The following ZMPSTE24 variants were observed in gnomAD, a reference collection of about 807,000 sequenced individuals.
The protein encoded by ZMPSTE24 is zinc metallopeptidase STE24.
A neutral mutation model predicts 56.7 loss-of-function variants in ZMPSTE24; 48 were observed. The ratio of observed to expected loss-of-function variants is 0.85; its 90% confidence interval spans 0.67 to 1.08. The LOEUF (loss-of-function observed/expected upper bound fraction) is 1.08. Ranked by LOEUF, ZMPSTE24 falls within the 50% of genes least tolerant of loss-of-function variation. The pLI is 0.00. For synonymous variants in ZMPSTE24, 172 were observed against 195.2 expected (o/e 0.88, Z 0.99); for missense variants, 503 against 548.7 (o/e 0.92, Z 0.83).
chr1:40,286,028 A>T lies in ZMPSTE24; in HGVS notation c.1058A>T (p.Gln353Leu), dbSNP rs1351108576. The T allele has an allele frequency of 1.2e-6, 2 of 1,612,294 alleles. No homozygotes were observed. The highest frequency in any genetic ancestry group is 1.7e-6 in the Non-Finnish European group (2 of 1,178,418). Residue 353 changes from glutamine (Q) to leucine (L), a missense_variant and splice_region_variant, in exon 8 of 10, where the codon CAG (glutamine) becomes CTG (leucine). By Grantham distance (113) the Gln-to-Leu change is moderately radical. Coordinates refer to ENST00000372759, the MANE Select transcript of ZMPSTE24 (RefSeq NM_005857.5). ...ACAGTCAAAAATATCATTATTAGCCAGGTAAGTGTGGAGTGACAATTCTTT... is the reference window on the plus strand; with the variant it reads ...ACAGTCAAAAATATCATTATTAGCCTGGTAAGTGTGGAGTGACAATTCTTT... Reference protein sequence around the residue: ...GHTVKNIIISQMNSFLCFFLF... With the variant: ...GHTVKNIIISLMNSFLCFFLF...
In ZMPSTE24 at chr1:40,258,346, C is replaced by T. The variant is rs1643459587; in HGVS notation, c.75C>T (p.Leu25=). The part of the protein sequence containing the change: ...AEKRIFGAVL[L]FSWTVYLWET... ...AGCGTATCTTCGGGGCCGTGCTGCT[C>T]TTTTCCTGGACAGTGTATCTTTGGG... is the stretch of plus-strand genomic sequence containing the variant. Residue 25 remains leucine (L), a synonymous_variant, in exon 1 of 10, where the codon CTC becomes CTT. Transcript: ENST00000372759. The T allele has an allele frequency of 1.2e-6, 2 of 1,614,194 alleles. No homozygotes were observed. Among genetic ancestry groups the T allele is most frequent in the Non-Finnish European group, 8.5e-7 (1 of 1,180,032 alleles).
At chr1:40,264,698 A>G (rs183703466) in intron 2 of ZMPSTE24, among the ~76,000 whole-genome samples, 43 of 151,996 alleles carry the variant, frequency 2.8e-4, no homozygotes, top group African/African-American at 8.9e-4. Context: ...AAACATAGTG[A>G]TACCCCATCT....
At chr1:40,258,495 A>G (rs1643461558) in intron 1 of ZMPSTE24, 101 bp downstream of exon 1, 2 of 1,591,394 alleles carry the variant, frequency 1.3e-6, no homozygotes, top group Non-Finnish European at 8.5e-7. Flanking sequence ...TCCCCGCGCC[A>G]GTCTCGTCTT....
intron 8 of ZMPSTE24, among the ~76,000 whole-genome samples, chr1:40,289,344 T>A (rs891208884): frequency 6.6e-6 from 1 of 152,210 alleles, no homozygotes; most frequent in Admixed American, 6.5e-5. Context: ...GATCACAGTA[T>A]CCCATGGCCA....
intron 6 of ZMPSTE24, among the ~76,000 whole-genome samples, chr1:40,273,537 A>AAAAAAAAAAAAATAT (rs1224234676): frequency 2.4e-4 from 3 of 12,388 alleles, no homozygotes; most frequent in African/African-American, 3.7e-4. Flanking sequence ...AAAAAAAAAA[A>AAAAAAAAAAAAATAT]ATATATATAT....
chr1:40,286,657 G>A (rs1230798642), intron 8 of ZMPSTE24, among the ~76,000 whole-genome samples: 2 of 143,422 alleles, frequency 1.4e-5, no homozygotes, highest in African/African-American at 5.2e-5. Context: ...CTGACCTCAG[G>A]TAATGCACCC....
chr1:40,273,208 T>C (rs1643629290), intron 6 of ZMPSTE24, among the ~76,000 whole-genome samples: 1 of 151,882 alleles, frequency 6.6e-6, no homozygotes, highest in South Asian at 2.1e-4. Flanking sequence ...CAACAGCAAC[T>C]GGAAGAACAT....
chr1:40,268,625 T>C, intron 4 of ZMPSTE24, 90 bp downstream of exon 4: 1 of 859,728 alleles, frequency 1.2e-6, no homozygotes, highest in East Asian at 2.6e-5. Context: ...CATAATTTAC[T>C]ATTTCAGAGT....
chr1:40,267,212 A>G (rs989929643), intron 2 of ZMPSTE24, among the ~76,000 whole-genome samples: 5 of 152,158 alleles, frequency 3.3e-5, no homozygotes, highest in Non-Finnish European at 7.4e-5. Flanking sequence ...TATATAGTGT[A>G]CAGACAAAAA....
intron 6 of ZMPSTE24, among the ~76,000 whole-genome samples, chr1:40,272,726 T>C (rs911272414): frequency 9.2e-5 from 14 of 152,212 alleles, no homozygotes; most frequent in African/African-American, 3.4e-4. Flanking sequence ...AGAGAGAAAC[T>C]GTTGTAAGGT....
In ZMPSTE24 at chr1:40,290,919, A is replaced by AT; in HGVS notation, c.1128dup (p.Gly377TrpfsTer4). 1 of 1,613,810 alleles carries AT rather than the reference A, an allele frequency of 6.2e-7. No individual in the cohort carries two copies. The highest frequency in any genetic ancestry group is 8.5e-7 in the Non-Finnish European group (1 of 1,179,944). ...TTGGTCGAAAGGAGCTTTTTGCTGC[A>AT]TTTGGTTTTTATGATAGCCAACCCA... is the stretch of plus-strand genomic sequence containing the variant. On this transcript the variant is annotated frameshift_variant, in exon 9 of 10. Transcript: ENST00000372759. LOFTEE classifies it high-confidence loss of function.
chr1:40,259,534 C>G (rs761979023), intron 1 of ZMPSTE24: 1 of 152,196 alleles, frequency 6.6e-6, no homozygotes, highest in Non-Finnish European at 1.5e-5. Context: ...GGATTACAGG[C>G]ACGTGCCACC....
intron 8 of ZMPSTE24, among the ~76,000 whole-genome samples, chr1:40,288,409 T>G (rs1207500416): frequency 1.6e-4 from 25 of 152,176 alleles, no homozygotes; most frequent in Admixed American, 1.6e-3. Flanking sequence ...GGGAAAGGGT[T>G]CCAATGGAAT....
At chr1:40,273,794 A>G (rs559733959) in intron 6 of ZMPSTE24, among the ~76,000 whole-genome samples, 1 of 151,766 alleles carries the variant, frequency 6.6e-6, no homozygotes, top group African/African-American at 2.4e-5. Flanking sequence ...GAGCAACCTA[A>G]GTTGCTGATC....
intron 6 of ZMPSTE24, among the ~76,000 whole-genome samples, chr1:40,273,537 A>AAAAAAAAAAAATATATATATATAT (rs1224234676): frequency 1.6e-4 from 2 of 12,388 alleles, no homozygotes; most frequent in African/African-American, 3.7e-4. Context: ...AAAAAAAAAA[A>AAAAAAAAAAAATATATATATATAT]ATATATATAT....
chr1:40,265,508 C>G (rs965632163), intron 2 of ZMPSTE24, among the ~76,000 whole-genome samples: 13 of 152,032 alleles, frequency 8.6e-5, no homozygotes, highest in Admixed American at 2.6e-4. Context: ...TTGAGGCCAG[C>G]CTGGGCAACA....
At chr1:40,259,711 C>A (rs1464316105) in intron 1 of ZMPSTE24, among the ~76,000 whole-genome samples, 1 of 152,108 alleles carries the variant, frequency 6.6e-6, no homozygotes, top group African/African-American at 2.4e-5. Flanking sequence ...CTCAAACGAC[C>A]CCTCCACCTC....
chr1:40,272,794 G>A (rs1352060660), intron 6 of ZMPSTE24, among the ~76,000 whole-genome samples: 1 of 152,164 alleles, frequency 6.6e-6, no homozygotes. Context: ...TTCTGTTCCT[G>A]CCACTTACCA....
In ZMPSTE24 at chr1:40,271,939, A is replaced by G. The variant is rs758374640; in HGVS notation, c.673A>G (p.Lys225Glu). 1.2e-6 allele frequency: 2 copies of G among 1,613,768 alleles called. No homozygotes were observed. ...YADYIAPLFD[K>E]FTPLPEGKLK... ...TGATTATATTGCCCCTTTATTTGAC[A>G]AATTCACACCTCTGCCTGAGGGAAA... Residue 225 changes from lysine to glutamate, a missense_variant, in exon 6 of 10, where the codon AAA (lysine) becomes GAA (glutamate). Lys to Glu is a moderately conservative substitution (Grantham distance 56). Coordinates refer to ENST00000372759, the MANE Select transcript of ZMPSTE24 (RefSeq NM_005857.5).
Sources: allele counts gnomAD v4.1 joint callset (sites outside exome capture counted in the v4.1 genomes callset), GRCh38; gene constraint gnomAD v4.1.1; transcripts MANE v1.5; gene names NCBI Gene and HGNC (gene_info 2026-07-23, HGNC 2026-07-21).